EXOC6B: variants seen among roughly 807,000 people sequenced by gnomAD.
EXOC6B encodes the protein exocyst complex component 6B, also known as SEC15 homolog B.
In EXOC6B, 54 loss-of-function variants were observed where a neutral mutation model predicts 113.5. The ratio of observed to expected loss-of-function variants is 0.48; its 90% CI spans 0.38 to 0.60. The LOEUF is 0.60. Among genes scored for constraint, EXOC6B ranks in the 20% least tolerant of loss-of-function variants. The probability of loss-of-function intolerance (pLI) is 0.00; values close to 1 mark genes in which losing one functional copy is unlikely to be tolerated. For synonymous variants in EXOC6B, 357 were observed against 339.0 expected (o/e 1.05, Z -0.58); for missense variants, 797 against 977.5 (o/e 0.82, Z 2.46).
chr2:72,212,332 T>G (rs374303918), intron 20 of EXOC6B, among the ~76,000 whole-genome samples: 2 of 152,204 alleles, frequency 1.3e-5, no homozygotes, highest in African/African-American at 4.8e-5. Flanking sequence ...TTATGACTTG[T>G]AGAGATTTGC....
intron 6 of EXOC6B, among the ~76,000 whole-genome samples, chr2:72,622,364 A>C (rs1671799632): frequency 6.6e-6 from 1 of 151,714 alleles, no homozygotes; most frequent in African/African-American, 2.4e-5. Flanking sequence ...ATTAAGAAAA[A>C]GACAAACAAC....
intron 1 of EXOC6B, among the ~76,000 whole-genome samples, chr2:72,803,901 T>G (rs971492417): frequency 2.0e-5 from 3 of 152,184 alleles, no homozygotes; most frequent in Admixed American, 2.0e-4. Context: ...CCAGCACAAC[T>G]GTACAAAGAA....
intron 20 of EXOC6B, among the ~76,000 whole-genome samples, chr2:72,224,106 G>A (rs985171315): frequency 2.6e-5 from 4 of 151,892 alleles, no homozygotes; most frequent in Admixed American, 2.0e-4. Context: ...ATTAATAAAA[G>A]GTATTAGAAA....
At chr2:72,393,830 C>T (rs1692545899) in intron 18 of EXOC6B, among the ~76,000 whole-genome samples, 2 of 152,036 alleles carry the variant, frequency 1.3e-5, no homozygotes, top group Admixed American at 6.6e-5. Flanking sequence ...ATGCCCAATT[C>T]AAAACAACAA....
intron 1 of EXOC6B, among the ~76,000 whole-genome samples, chr2:72,817,293 T>G (rs1158524822): frequency 1.3e-5 from 2 of 152,228 alleles, no homozygotes; most frequent in African/African-American, 2.4e-5. Context: ...CACTTCTGAC[T>G]GATGAAGAGA....
intron 6 of EXOC6B, among the ~76,000 whole-genome samples, chr2:72,711,575 T>C (rs1320419196): frequency 2.6e-5 from 4 of 152,174 alleles, no homozygotes; most frequent in Non-Finnish European, 4.4e-5. Context: ...TAACTGTATA[T>C]ACCTATGACA....
At chr2:72,372,641 C>A (rs535479198) in intron 19 of EXOC6B, among the ~76,000 whole-genome samples, 4 of 152,104 alleles carry the variant, frequency 2.6e-5, no homozygotes, top group South Asian at 2.1e-4. Context: ...GTCAGGAGAT[C>A]GAGACCATCC....
At chr2:72,233,556 G>A in intron 20 of EXOC6B, among the ~76,000 whole-genome samples, 1 of 152,170 alleles carries the variant, frequency 6.6e-6, no homozygotes, top group East Asian at 1.9e-4. Flanking sequence ...CCCCCACTGT[G>A]CTTCTAGACT....
intron 20 of EXOC6B, among the ~76,000 whole-genome samples, chr2:72,194,774 T>C (rs750414944): frequency 2.6e-5 from 4 of 152,114 alleles, no homozygotes; most frequent in African/African-American, 4.8e-5. Context: ...GCTATGGAAC[T>C]GTGGTAGAGA....
chr2:72,250,058 C>T (rs150134983), intron 20 of EXOC6B, among the ~76,000 whole-genome samples: 8 of 152,222 alleles, frequency 5.3e-5, no homozygotes, highest in Non-Finnish European at 1.0e-4. Flanking sequence ...CACTTCCTAG[C>T]GACTGAATAA....
At chr2:72,223,685 TTTTG>T (rs3029112) in intron 20 of EXOC6B, among the ~76,000 whole-genome samples, 142 of 151,418 alleles carry the variant, frequency 9.4e-4, no homozygotes, top group East Asian at 2.5e-3. Context: ...AAGGCCTGTT[TTTTG>T]TTTGTTTGTT....
rs77148583 is a variant in EXOC6B, at chr2:72,384,021, G to C, written c.1981-4151C>G. On this transcript the variant is annotated intron_variant, in intron 18 of 21. Transcript: ENST00000272427. ...TGAGGGTGGAAGATGGGAGAAGTGAGAGGATCAGAAAAAATACCTTTCAGA... is the reference window on the plus strand; with the variant it reads ...TGAGGGTGGAAGATGGGAGAAGTGACAGGATCAGAAAAAATACCTTTCAGA... Among the ~76,000 whole-genome samples, 4 of 152,156 alleles carry C rather than the reference G, an allele frequency of 2.6e-5. No individual in the cohort carries two copies. The East Asian group carries it at 7.7e-4, about 29-fold the overall frequency.
chr2:72,448,682 T>TA (rs537706468), intron 18 of EXOC6B, among the ~76,000 whole-genome samples: 115 of 147,714 alleles, frequency 7.8e-4, no homozygotes, highest in African/African-American at 1.5e-3. Flanking sequence ...TTTGTACTAC[T>TA]AAAAAAAAAA....
At chr2:72,717,368 C>CT (rs1679684771) in intron 6 of EXOC6B, among the ~76,000 whole-genome samples, 1 of 152,134 alleles carries the variant, frequency 6.6e-6, no homozygotes, top group African/African-American at 2.4e-5. Context: ...CCAAAAAGTA[C>CT]TTTCCATAAA....
intron 20 of EXOC6B, among the ~76,000 whole-genome samples, chr2:72,232,304 C>A (rs1024439818): frequency 2.0e-5 from 3 of 152,008 alleles, no homozygotes; most frequent in African/African-American, 7.2e-5. Flanking sequence ...TTTTTAAAAA[C>A]TGAGAATATT....
chr2:72,253,569 TTATCC>T (rs1683157280), intron 20 of EXOC6B, among the ~76,000 whole-genome samples: 1 of 152,138 alleles, frequency 6.6e-6, no homozygotes, highest in East Asian at 1.9e-4. Flanking sequence ...CTGGAAGCCA[TTATCC>T]TAAGTGAGCT....
At chr2:72,453,376 TA>T (rs1453541901) in intron 18 of EXOC6B, among the ~76,000 whole-genome samples, 1 of 152,108 alleles carries the variant, frequency 6.6e-6, no homozygotes, top group East Asian at 1.9e-4. Flanking sequence ...CTTTTTTAAA[TA>T]AAGGAAATGT....
chr2:72,815,489 T>A (rs1686182798), intron 1 of EXOC6B, among the ~76,000 whole-genome samples: 1 of 148,392 alleles, frequency 6.7e-6, no homozygotes, highest in Admixed American at 6.7e-5. Context: ...GAGACCCTGT[T>A]TCAAAAAAAA....
intron 20 of EXOC6B, among the ~76,000 whole-genome samples, chr2:72,289,559 A>G (rs1220134776): frequency 6.6e-6 from 1 of 151,942 alleles, no homozygotes; most frequent in Non-Finnish European, 1.5e-5. Context: ...GTGTGTGTGT[A>G]TTTTTTAACT....
Sources: gnomAD v4.1 joint callset for allele counts (sites outside exome capture counted in the v4.1 genomes callset) on GRCh38, gnomAD v4.1.1 for gene constraint, MANE v1.5 for transcripts, NCBI Gene and HGNC (gene_info 2026-07-23, HGNC 2026-07-21) for gene names.